ZNF616: variants seen among roughly 807,000 people sequenced by gnomAD.
ZNF616 encodes zinc finger protein 616.
In ZNF616, 5 loss-of-function variants were observed where a neutral mutation model predicts 7.6. The observed-to-expected ratio is 0.66, with a 90% confidence interval of 0.34 to 1.38. ZNF616 has a LOEUF of 1.38. ZNF616 is among the 40% of genes most tolerant of loss of function. The pLI is 0.04. For missense variants in ZNF616, 913 were observed against 948.3 expected (o/e 0.96, Z 0.49); for synonymous variants, 319 against 317.2 (o/e 1.01, Z -0.06).
chr19:52,132,216 T>C (rs1286808239), intron 1 of ZNF616, among the ~76,000 whole-genome samples: 4 of 152,180 alleles, frequency 2.6e-5, no homozygotes, highest in East Asian at 1.9e-4. Flanking sequence ...CCAGGAAGTA[T>C]AGGGCCACCG....
In ZNF616 at chr19:52,113,797, C is replaced by G. The variant is rs1412026047; in HGVS notation, c.*1021G>C. ...TCGCTGCAATGGACATGATCTCATT[C>G]CTTTCTATGGCTGCATAGTATCCCA... On this transcript the variant is annotated 3_prime_UTR_variant, in exon 4 of 4. Transcript: ENST00000600228. 3 of 152,190 alleles carry G rather than the reference C, an allele frequency of 2.0e-5. No individual in the cohort carries two copies. Among genetic ancestry groups the G allele is most frequent in the Admixed American group, 2.0e-4 (3 of 15,270 alleles). 9.4% of individuals were successfully genotyped at this position (152,190 alleles called of 1,614,324 possible).
At chr19:52,120,697 C>T (rs913698906) in intron 3 of ZNF616, among the ~76,000 whole-genome samples, 1 of 152,092 alleles carries the variant, frequency 6.6e-6, no homozygotes, top group African/African-American at 2.4e-5. Context: ...GACTTTATGT[C>T]AAAACTGGTA....
At chr19:52,124,987 T>C (rs113805843) in intron 2 of ZNF616, among the ~76,000 whole-genome samples, 56 of 152,256 alleles carry the variant, frequency 3.7e-4, no homozygotes, top group Non-Finnish European at 7.4e-4. Context: ...CCATATCCCA[T>C]TGATAAGGGC....
At chr19:52,134,731 A>C (rs2088992905) in intron 1 of ZNF616, among the ~76,000 whole-genome samples, 1 of 152,052 alleles carries the variant, frequency 6.6e-6, no homozygotes, top group Non-Finnish European at 1.5e-5. Flanking sequence ...AGAAAGGAAA[A>C]AATTTGTTTT....
chr19:52,115,100 T>A lies in ZNF616; in HGVS notation c.2064A>T (p.Pro688=). 1 of 1,613,438 alleles carries A rather than the reference T, an allele frequency of 6.2e-7. No individual in the cohort carries two copies. The highest frequency in any genetic ancestry group is 2.2e-5 in the East Asian group (1 of 44,756). Residue 688 remains proline, a synonymous_variant, in exon 4 of 4, where the codon CCA becomes CCT. Coordinates refer to ENST00000600228, the MANE Select transcript of ZNF616 (RefSeq NM_178523.5). ...AHQIIHAGKK[P]YKCDECGKVF... ...CCTTGCCACATTCATCACATTTATATGGTTTCTTTCCTGCATGAATTATCT... is the reference window on the plus strand; with the variant it reads ...CCTTGCCACATTCATCACATTTATAAGGTTTCTTTCCTGCATGAATTATCT...
intron 2 of ZNF616, among the ~76,000 whole-genome samples, chr19:52,128,186 TAAA>T (rs777095751): frequency 1.0e-5 from 1 of 97,620 alleles, no homozygotes; most frequent in East Asian, 3.2e-4. Flanking sequence ...TCCCACCCAA[TAAA>T]AAAAAAAAAA....
chr19:52,117,655 C>T (rs17835808), intron 3 of ZNF616, among the ~76,000 whole-genome samples: 9,042 of 152,028 alleles, frequency 0.059, 543 homozygotes, highest in South Asian at 0.28. Flanking sequence ...CTAAACAAAT[C>T]TCCCTTTATA....
In ZNF616 at chr19:52,134,137, A is replaced by G. The variant is rs145685658; in HGVS notation, c.-76-3549T>C. On this transcript the variant is annotated intron_variant, in intron 1 of 3. Transcript: ENST00000600228. The stretch of plus-strand genomic sequence containing the variant: ...AAGCCAGAATGAAGTCTCTCATGCT[A>G]AACGCCACATTAGCAAACTGACCCT... Among the ~76,000 whole-genome samples, 1,148 of 152,300 alleles carry G rather than the reference A, an allele frequency of 7.5e-3. 11 individuals carry two copies. Among genetic ancestry groups the G allele is most frequent in the African/African-American group, 0.021 (882 of 41,562 alleles).
chr19:52,122,784 A>G (rs1160899165), intron 3 of ZNF616, among the ~76,000 whole-genome samples: 1 of 151,452 alleles, frequency 6.6e-6, no homozygotes, highest in Non-Finnish European at 1.5e-5. Flanking sequence ...ACAGGCGCCC[A>G]CCGCCACACC....
chr19:52,118,416 C>A (rs983346359), intron 3 of ZNF616, among the ~76,000 whole-genome samples: 1 of 152,198 alleles, frequency 6.6e-6, no homozygotes, highest in Non-Finnish European at 1.5e-5. Flanking sequence ...GATATAAAGA[C>A]TTAATGTCTG....
rs749380380 is a variant in ZNF616, at chr19:52,114,643, C to T, written c.*175G>A. ...TGCCAGGACAGCACCAAGGGGATGA[C>T]GCTACATCTTTCTCAGTTTGAGAAA... is the stretch of plus-strand genomic sequence containing the variant. On this transcript the variant is annotated 3_prime_UTR_variant, in exon 4 of 4. Coordinates refer to ENST00000600228, the MANE Select transcript of ZNF616 (RefSeq NM_178523.5). The T allele has an allele frequency of 4.2e-5, 31 of 730,586 alleles. No individual in the cohort carries two copies. The highest frequency in any genetic ancestry group is 1.3e-4 in the Admixed American group (4 of 30,818). The allele number at this position is 730,586 out of a possible 1,614,324, so 45.3% of individuals were successfully genotyped here. A position where few individuals can be genotyped will look rare whatever the true frequency, so the allele number is the denominator to read the frequency against.
chr19:52,138,641 C>T (rs1240687214), intron 1 of ZNF616: 1 of 152,198 alleles, frequency 6.6e-6, no homozygotes, highest in African/African-American at 2.4e-5. Flanking sequence ...TCTCCCCAAA[C>T]TTTCCCATTG....
At chr19:52,125,082 A>T (rs1442009542) in intron 2 of ZNF616, among the ~76,000 whole-genome samples, 1 of 152,188 alleles carries the variant, frequency 6.6e-6, no homozygotes, top group African/African-American at 2.4e-5. Context: ...TTTCAAATGA[A>T]TTGTGGAGGA....
In ZNF616 at chr19:52,116,343, C is replaced by T; in HGVS notation, c.821G>A (p.Cys274Tyr). 13 of 1,614,160 alleles carry T rather than the reference C, an allele frequency of 8.1e-6. No individual in the cohort carries two copies. Among genetic ancestry groups the T allele is most frequent in the Non-Finnish European group, 7.6e-6 (9 of 1,180,028 alleles). The change falls in exon 4 of 4, where the codon TGT (cysteine) becomes TAT (tyrosine). Residue 274 changes from cysteine to tyrosine, a missense_variant. By Grantham distance (194) the Cys-to-Tyr change is radical. Coordinates refer to ENST00000600228, the MANE Select transcript of ZNF616 (RefSeq NM_178523.5). ...GGAACTTTTACTAAAGGACTTGCCA[C>T]ATTCATTACATATGTAGGGTTTCTG... ...TGQKPYICNE[C>Y]GKSFSKSSHL...
chr19:52,132,241 C>T (rs762294987), intron 1 of ZNF616, among the ~76,000 whole-genome samples: 4 of 152,084 alleles, frequency 2.6e-5, no homozygotes, highest in Non-Finnish European at 4.4e-5. Flanking sequence ...CTGAGATGTG[C>T]AGGAGCGCAG....
Position 52,139,172 on chromosome 19 carries a change from C to A in ZNF616, c.-77+560G>T, listed in dbSNP as rs542150215. On this transcript the variant is annotated intron_variant, in intron 1 of 3. Transcript: ENST00000600228. The surrounding 1 kb of genome is among the most constrained non-coding windows in gnomAD (Gnocchi z 4.1). ...CCTCTTTTCCTCTCCTGATCCCTCT[C>A]ACCCACACATTCAGGAGGAAAGGGG... Among the ~76,000 whole-genome samples the A allele has an allele frequency of 1.3e-5, 2 of 152,276 alleles. No homozygotes were observed. Among genetic ancestry groups the A allele is most frequent in the South Asian group, 4.1e-4 (2 of 4,832 alleles).
chr19:52,124,940 G>C (rs140545172), intron 2 of ZNF616, among the ~76,000 whole-genome samples: 1 of 152,222 alleles, frequency 6.6e-6, no homozygotes, highest in East Asian at 1.9e-4. Flanking sequence ...AGTGAACTCC[G>C]TAGGATAAGC....
chr19:52,125,257 C>T (rs923970919), intron 2 of ZNF616, among the ~76,000 whole-genome samples: 23 of 152,204 alleles, frequency 1.5e-4, no homozygotes, highest in Non-Finnish European at 2.9e-5. Context: ...TAATCTAAAT[C>T]AGATATGGGT....
At position 52,115,898 on chromosome 19, in the gene ZNF616, T is replaced by G; in HGVS notation, c.1266A>C (p.Ser422=). ...GAATTCTCTGATGCACTGCAAGACT[T>G]GAACGTTTACTGAAGACCTTGCCAC... ...NECGKVFSKR[S]SLAVHQRIHT... Residue 422 remains serine (S), a synonymous_variant, in exon 4 of 4, where the codon TCA becomes TCC. Transcript: ENST00000600228. 6.2e-7 allele frequency: 1 copy of G among 1,614,206 alleles called. No individual in the cohort carries two copies. Among genetic ancestry groups the G allele is most frequent in the East Asian group, 2.2e-5 (1 of 44,884 alleles).
Sources: allele counts gnomAD v4.1 joint callset (sites outside exome capture counted in the v4.1 genomes callset), GRCh38; gene constraint gnomAD v4.1.1; non-coding constraint Gnocchi (gnomAD v3.1); transcripts MANE v1.5; gene names NCBI Gene and HGNC (gene_info 2026-07-23, HGNC 2026-07-21).